Variants in MYLK4 observed in about 807,000 individuals in gnomAD.
The protein encoded by MYLK4 is caMLCK like.
In MYLK4, 46 loss-of-function variants were observed where a neutral mutation model predicts 48.1. That is an observed-to-expected ratio of 0.96 (90% confidence interval 0.75 to 1.22). The LOEUF is 1.22. Ranked by LOEUF, MYLK4 falls within the 50% of genes most tolerant of loss-of-function variation. The probability of loss-of-function intolerance (pLI) is 0.00; values close to 1 mark genes in which losing one functional copy is unlikely to be tolerated. For synonymous variants in MYLK4, 170 were observed against 180.8 expected (o/e 0.94, Z 0.48); for missense variants, 451 against 486.1 (o/e 0.93, Z 0.68).
In MYLK4 at chr6:2,690,160, G is replaced by T. The variant is rs6924542; in HGVS notation, c.236-1204C>A. Among the ~76,000 whole-genome samples the T allele has an allele frequency of 3.3e-5, 5 of 152,318 alleles. No homozygotes were observed. The South Asian group carries it at 1.0e-3, about 32-fold the overall frequency. ...ATTTCCTACCCAGTGGGGTCAGGCC[G>T]TCTTGCCCTCGGGAGGTCTTCATCC... On this transcript the variant is annotated intron_variant, in intron 3 of 12. Coordinates refer to ENST00000274643, the MANE Select transcript of MYLK4 (RefSeq NM_001012418.5).
intron 10 of MYLK4, among the ~76,000 whole-genome samples, chr6:2,676,899 T>C (rs1361355948): frequency 1.3e-5 from 2 of 152,188 alleles, no homozygotes; most frequent in African/African-American, 2.4e-5. Flanking sequence ...TCACAGTAAA[T>C]GTGGACTTCT....
intron 10 of MYLK4, 77 bp from the exon 11 acceptor site, chr6:2,675,202 G>A (rs1761041117): frequency 9.7e-7 from 1 of 1,035,106 alleles, no homozygotes; most frequent in African/African-American, 1.5e-5. Context: ...CTCAACTCCA[G>A]CTTCTGCCTT....
Position 2,749,412 on chromosome 6 carries a change from A to AG in MYLK4, c.-112-7_-112-6insC. The AG allele has an allele frequency of 1.3e-6, 1 of 755,976 alleles. No homozygotes were observed. Among genetic ancestry groups the AG allele is most frequent in the Non-Finnish European group, 2.1e-6 (1 of 479,534 alleles). The allele number at this position is 755,976 out of a possible 1,614,324, so 46.8% of individuals were successfully genotyped here. On this transcript the variant is annotated splice_region_variant and splice_polypyrimidine_tract_variant and intron_variant, in intron 1 of 12. Coordinates refer to ENST00000274643, the MANE Select transcript of MYLK4 (RefSeq NM_001012418.5). Reference sequence around the variant, plus strand: ...TCAGTGCTTCTTTCTCTTGACTGCAAAGAAAGGAAACACAAAAAGTTCTCA... The same window carrying AG: ...TCAGTGCTTCTTTCTCTTGACTGCAAGAGAAAGGAAACACAAAAAGTTCTCA...
Position 2,685,485 on chromosome 6 carries a change from T to C in MYLK4, c.433A>G (p.Lys145Glu), listed in dbSNP as rs1761499391. 6.2e-7 allele frequency: 1 copy of C among 1,613,964 alleles called. No homozygotes were observed. The highest frequency in any genetic ancestry group is 1.3e-5 in the African/African-American group (1 of 74,914). The change falls in exon 5 of 13, where the codon AAG (lysine) becomes GAG (glutamate). Residue 145 changes from lysine (K) to glutamate (E), a missense_variant and splice_region_variant. Lys to Glu is a moderately conservative substitution (Grantham distance 56). Coordinates refer to ENST00000274643, the MANE Select transcript of MYLK4 (RefSeq NM_001012418.5). This position sits in a 1 kb window ranked among gnomAD's most constrained non-coding sequence, Gnocchi z 4.5. ...KIIKTRGMKD[K>E]EEVKNEISVM... is the part of the protein sequence containing the mutation. Reference sequence around the variant, plus strand: ...GGACCACCTCCCACAGGCTGTACCTTGTCCTTCATGCCTCTGGTCTTGATG... The same window carrying C: ...GGACCACCTCCCACAGGCTGTACCTCGTCCTTCATGCCTCTGGTCTTGATG...
intron 2 of MYLK4, among the ~76,000 whole-genome samples, chr6:2,724,916 C>T (rs917010802): frequency 8.5e-5 from 13 of 152,152 alleles, no homozygotes; most frequent in African/African-American, 2.9e-4. Flanking sequence ...TTTGGGAGGC[C>T]GAGGTGGACG....
At position 2,675,111 on chromosome 6, in the gene MYLK4, G is replaced by A; in HGVS notation, c.1055C>T (p.Ala352Val). Residue 352 changes from alanine to valine, a missense_variant, in exon 11 of 13, where the codon GCA (alanine) becomes GTA (valine). By Grantham distance (64) the Ala-to-Val change is moderately conservative. Transcript: ENST00000274643. ...CCAGGGGTGCTTGAGAGCTTCGCTT[G>A]CACTTATTCGCCAACTAGAAGGAAA... ...LIKEKSWRIS[A>V]SEALKHPWLS... 1 of 1,613,844 alleles carries A rather than the reference G, an allele frequency of 6.2e-7. No homozygotes were observed. The highest frequency in any genetic ancestry group is 1.1e-5 in the South Asian group (1 of 91,050).
At position 2,673,813 on chromosome 6, in the gene MYLK4, C is replaced by T. The variant is rs1760988434; in HGVS notation, c.1119+1234G>A. 6.6e-6 allele frequency among the ~76,000 whole-genome samples: 1 copy of T among 152,134 alleles called. No homozygotes were observed. The highest frequency in any genetic ancestry group is 2.4e-5 in the African/African-American group (1 of 41,418). ...TGCAGTCACTCAGGGGAGGCATGTCCCAGGCCACGGTCACCATGGGAATGG... is the reference window on the plus strand; with the variant it reads ...TGCAGTCACTCAGGGGAGGCATGTCTCAGGCCACGGTCACCATGGGAATGG... On this transcript the variant is annotated intron_variant, in intron 11 of 12. Transcript: ENST00000274643. The surrounding 1 kb of genome is among the most constrained non-coding windows in gnomAD (Gnocchi z 4.2).
intron 2 of MYLK4, among the ~76,000 whole-genome samples, chr6:2,713,271 G>A (rs1183238593): frequency 6.6e-6 from 1 of 151,958 alleles, no homozygotes; most frequent in African/African-American, 2.4e-5. Flanking sequence ...CTGGGAGGCT[G>A]AGGCAGGAGA....
chr6:2,689,348 C>A (rs562346396), intron 3 of MYLK4, among the ~76,000 whole-genome samples: 3 of 152,038 alleles, frequency 2.0e-5, no homozygotes, highest in African/African-American at 7.3e-5. Context: ...TGATATAATC[C>A]ATTATTTTAA....
intron 10 of MYLK4, among the ~76,000 whole-genome samples, chr6:2,676,931 G>T (rs534813839): frequency 1.2e-4 from 19 of 152,150 alleles, no homozygotes; most frequent in Admixed American, 7.9e-4. Flanking sequence ...GATTTGAAAG[G>T]GTTGACAGTT....
chr6:2,699,924 T>C (rs1762226318), intron 2 of MYLK4, among the ~76,000 whole-genome samples: 1 of 152,208 alleles, frequency 6.6e-6, no homozygotes, highest in Admixed American at 6.5e-5. Context: ...TCCTCCATTC[T>C]TCTATCCAGC....
At chr6:2,700,958 C>T (rs1428006264) in intron 2 of MYLK4, among the ~76,000 whole-genome samples, 1 of 152,126 alleles carries the variant, frequency 6.6e-6, no homozygotes, top group Admixed American at 6.5e-5. Flanking sequence ...CTTGGGATTC[C>T]GTCACCAGAA....
intron 2 of MYLK4, chr6:2,744,060 T>C (rs7743098): frequency 0.92 from 368,270 of 398,956 alleles, 170,252 homozygotes; most frequent in East Asian, 1. Context: ...CTGTGGATGT[T>C]GCTTGGCTTA....
At chr6:2,679,478 G>T in intron 8 of MYLK4, 70 bp from the exon 9 acceptor site, 1 of 1,575,016 alleles carries the variant, frequency 6.3e-7, no homozygotes, top group Non-Finnish European at 8.7e-7. Flanking sequence ...AAATGATGTA[G>T]TCTATGAGAC....
At chr6:2,690,112 C>A (rs932298900) in intron 3 of MYLK4, among the ~76,000 whole-genome samples, 1 of 152,150 alleles carries the variant, frequency 6.6e-6, no homozygotes, top group Non-Finnish European at 1.5e-5. Context: ...GTTAAAAAGC[C>A]TTAAAAGGCC....
chr6:2,671,887 G>T (rs1471431946), intron 11 of MYLK4, among the ~76,000 whole-genome samples: 3 of 152,234 alleles, frequency 2.0e-5, no homozygotes, highest in Non-Finnish European at 4.4e-5. Flanking sequence ...TCTAGAGGCA[G>T]CAGTGAAGAC....
intron 2 of MYLK4, among the ~76,000 whole-genome samples, chr6:2,698,181 G>A (rs1762139240): frequency 6.6e-6 from 1 of 152,214 alleles, no homozygotes; most frequent in African/African-American, 2.4e-5. Flanking sequence ...GAATGGAGGA[G>A]AACAAATATT....
At chr6:2,766,090 C>T in the MYLK4 span, 16 of 1,314,064 alleles carry the variant, frequency 1.2e-5, no homozygotes, top group African/African-American at 3.1e-5. Context: ...CTCCGCGCAG[C>T]TGGGACGAGG....
At chr6:2,703,665 C>CTTTGT (rs1762382310) in intron 2 of MYLK4, among the ~76,000 whole-genome samples, 1 of 95,120 alleles carries the variant, frequency 1.1e-5, no homozygotes, top group African/African-American at 4.1e-5. Flanking sequence ...TTTGTGAATT[C>CTTTGT]TTTTTTTTTT....
Sources: gnomAD v4.1 joint callset for allele counts (sites outside exome capture counted in the v4.1 genomes callset) on GRCh38, gnomAD v4.1.1 for gene constraint, Gnocchi (gnomAD v3.1) non-coding constraint, MANE v1.5 for transcripts, NCBI Gene and HGNC (gene_info 2026-07-23, HGNC 2026-07-21) for gene names.